SPEG: variants seen among roughly 807,000 people sequenced by gnomAD.
The protein encoded by SPEG is striated muscle enriched protein kinase, also known as striated muscle preferentially expressed protein kinase.
SPEG carries 114 observed loss-of-function variants against 300.4 expected under a neutral mutation model. That is an observed-to-expected ratio of 0.38 (90% CI 0.33 to 0.44). SPEG has a LOEUF of 0.44. Among genes scored for constraint, SPEG ranks in the 20% least tolerant of loss-of-function variants. The pLI, the probability that SPEG is intolerant of heterozygous loss-of-function variation, is 1.00. For missense variants in SPEG, 4,201 were observed against 4,586.2 expected (o/e 0.92, Z 2.43); for synonymous variants, 1,964 against 2,018.9 (o/e 0.97, Z 0.73).
At chr2:219,442,858 C>G (rs1439865898) in intron 1 of SPEG, among the ~76,000 whole-genome samples, 1 of 152,186 alleles carries the variant, frequency 6.6e-6, no homozygotes, top group Admixed American at 6.5e-5. Flanking sequence ...CAGCTTCCAC[C>G]TGCAGCCTGC....
intron 1 of SPEG, chr2:219,442,047 C>G: frequency 8.5e-7 from 1 of 1,179,338 alleles, no homozygotes; most frequent in Non-Finnish European, 1.1e-6. Flanking sequence ...CCCCCTCCCC[C>G]GCCATGAAGA....
chr2:219,457,438 C>G (rs1456416270), intron 6 of SPEG, among the ~76,000 whole-genome samples: 1 of 152,122 alleles, frequency 6.6e-6, no homozygotes, highest in African/African-American at 2.4e-5. Context: ...CAAAAATTAG[C>G]CAGGTGTGGT....
rs1689505465 is a variant in SPEG at position 219,448,688 on chromosome 2, G to C, written c.1530G>C (p.Leu510=). Residue 510 remains leucine (L), a synonymous_variant, in exon 4 of 41, where the codon CTG becomes CTC. Transcript: ENST00000312358. The part of the protein sequence containing the change: ...RIRRSTSREE[L]VRSHESLRAT... ...GCCGCTCCACGTCGCGGGAGGAGCT[G>C]GTGCGCTCGCACGAGTCCCTGCGCG... is the stretch of plus-strand genomic sequence containing the variant. 6.7e-7 allele frequency: 1 copy of C among 1,494,056 alleles called. No homozygotes were observed. Among genetic ancestry groups the C allele is most frequent in the Non-Finnish European group, 8.8e-7 (1 of 1,130,080 alleles). 92.5% of individuals were successfully genotyped at this position (1,494,056 alleles called of 1,614,324 possible). A position where few individuals can be genotyped will look rare whatever the true frequency, so the allele number is the denominator to read the frequency against.
chr2:219,462,250 C>T, intron 7 of SPEG, 48 bp from the exon 8 acceptor site: 2 of 1,491,278 alleles, frequency 1.3e-6, no homozygotes, highest in Non-Finnish European at 1.8e-6. Flanking sequence ...CCCCAGGACC[C>T]AAGGCTCTGC....
chr2:219,477,048 C>T lies in SPEG; in HGVS notation c.4560+66C>T. On this transcript the variant is annotated intron_variant, in intron 19 of 40. Transcript: ENST00000312358. The surrounding 1 kb of genome is among the most constrained non-coding windows in gnomAD (Gnocchi z 6.4). ...GGGCTCCCTGGGGGCGTGGGAGGGT[C>T]CTGGAAGGCCTTAGGAGGGCGGAGC... is the stretch of plus-strand genomic sequence containing the variant. 7.1e-7 allele frequency: 1 copy of T among 1,402,430 alleles called. No individual in the cohort carries two copies. Among genetic ancestry groups the T allele is most frequent in the Non-Finnish European group, 9.8e-7 (1 of 1,017,322 alleles). 86.9% of individuals were successfully genotyped at this position (1,402,430 alleles called of 1,614,324 possible). A position where few individuals can be genotyped will look rare whatever the true frequency, so the allele number is the denominator to read the frequency against.
Position 219,445,259 on chromosome 2 carries a change from C to A in SPEG, c.815+98C>A. ...GTCAGCCTCCACCCATCACCCTGCCCCATCCATCTCTCTGTGCATTTCTTC... is the reference window on the plus strand; with the variant it reads ...GTCAGCCTCCACCCATCACCCTGCCACATCCATCTCTCTGTGCATTTCTTC... On this transcript the variant is annotated intron_variant, in intron 3 of 40. Transcript: ENST00000312358. This position sits in a 1 kb window ranked among gnomAD's most constrained non-coding sequence, Gnocchi z 6.1. The A allele has an allele frequency of 8.9e-7, 1 of 1,128,484 alleles. No individual in the cohort carries two copies. Among genetic ancestry groups the A allele is most frequent in the African/African-American group, 1.5e-5 (1 of 65,128 alleles). 69.9% of individuals were successfully genotyped at this position (1,128,484 alleles called of 1,614,324 possible). A position where few individuals can be genotyped will look rare whatever the true frequency, so the allele number is the denominator to read the frequency against.
chr2:219,484,538 GAGC>G lies in SPEG; in HGVS notation c.7076_7078del (p.Glu2359_Arg2360delinsGly). The G allele has an allele frequency of 6.3e-7, 1 of 1,596,224 alleles. No individual in the cohort carries two copies. Among genetic ancestry groups the G allele is most frequent in the Non-Finnish European group, 8.5e-7 (1 of 1,174,534 alleles). On this transcript the variant is annotated inframe_deletion, in exon 30 of 41. Transcript: ENST00000312358. ...GCTGCTGAGCCGTTCGCGCTCGGAG[GAGC>G]GCGGCCCCTTCCGTGGGGCCGAGGA... is the stretch of plus-strand genomic sequence containing the variant.
chr2:219,483,560 C>G lies in SPEG; in HGVS notation c.6097C>G (p.His2033Asp). The G allele has an allele frequency of 1.4e-6, 2 of 1,446,768 alleles. No individual in the cohort carries two copies. The highest frequency in any genetic ancestry group is 9.0e-7 in the Non-Finnish European group (1 of 1,112,534). The allele number at this position is 1,446,768 out of a possible 1,614,324, so 89.6% of individuals were successfully genotyped here. The change falls in exon 30 of 41, where the codon CAC (histidine) becomes GAC (aspartate). Residue 2033 changes from histidine to aspartate, a missense_variant. Physicochemically the swap from His to Asp is moderately conservative, Grantham distance 81. Around this residue, in one of 4 missense-constraint regions of SPEG, gnomAD observed 1,578 missense variants for 1,506.0 expected, o/e 1.05. Coordinates refer to ENST00000312358, the MANE Select transcript of SPEG (RefSeq NM_005876.5). ...GCCGCGGGAGCTGGGCCGGGGCCTG[C>G]ACAAGGCGGCGTCTGTGGAGCTGCC... ...AGPRELGRGLHKAASVELPQR... is the reference protein window; with the variant it reads ...AGPRELGRGLDKAASVELPQR...
At position 219,449,070 on chromosome 2, in the gene SPEG, G is replaced by A. The variant is rs1689540191; in HGVS notation, c.1912G>A (p.Val638Met). Residue 638 changes from valine (V) to methionine (M), a missense_variant, in exon 4 of 41, where the codon GTG becomes ATG. Around this residue, in one of 4 missense-constraint regions of SPEG, gnomAD observed 1,258 missense variants for 1,293.9 expected, o/e 0.97. Coordinates refer to ENST00000312358, the MANE Select transcript of SPEG (RefSeq NM_005876.5). ...GAAGCGGGAGCCCCCGGCGCAGGCC[G>A]TGCGCTTCCTGCCCTGGGCCACGCC... ...GRKREPPAQA[V>M]RFLPWATPGL... 4 of 1,516,966 alleles carry A rather than the reference G, an allele frequency of 2.6e-6. No homozygotes were observed. Among genetic ancestry groups the A allele is most frequent in the Non-Finnish European group, 3.5e-6 (4 of 1,132,308 alleles). 94.0% of individuals were successfully genotyped at this position (1,516,966 alleles called of 1,614,324 possible).
chr2:219,483,647 G>C lies in SPEG; in HGVS notation c.6184G>C (p.Glu2062Gln). 1 of 1,528,202 alleles carries C rather than the reference G, an allele frequency of 6.5e-7. No homozygotes were observed. 94.7% of individuals were successfully genotyped at this position (1,528,202 alleles called of 1,614,324 possible). The change falls in exon 30 of 41, where the codon GAG (glutamate) becomes CAG (glutamine). Residue 2062 changes from glutamate (E) to glutamine (Q), a missense_variant. By Grantham distance (29) the Glu-to-Gln change is conservative. Coordinates refer to ENST00000312358, the MANE Select transcript of SPEG (RefSeq NM_005876.5). ...RLARGGLGEG[E>Q]YAQRLQALRQ... ...GGCCCGGGGAGGCCTGGGTGAGGGC[G>C]AGTATGCCCAGAGGCTGCAGGCCCT...
In SPEG at chr2:219,449,109, G is replaced by A. The variant is rs1689544779; in HGVS notation, c.1951G>A (p.Ala651Thr). ...LPWATPGLEG[A>T]AVPQTLEKNR... ...CTGGGCCACGCCGGGCCTGGAGGGC[G>A]CTGCTGTACCCCAGACCTTGGAGAA... Residue 651 changes from alanine (A) to threonine (T), a missense_variant, in exon 4 of 41, where the codon GCT becomes ACT. By Grantham distance (58) the Ala-to-Thr change is moderately conservative. This residue lies in a region of SPEG where 1,258 missense variants were observed against 1,293.9 expected (regional missense o/e 0.97). Transcript: ENST00000312358. 1 of 1,479,774 alleles carries A rather than the reference G, an allele frequency of 6.8e-7. No homozygotes were observed. Among genetic ancestry groups the A allele is most frequent in the East Asian group, 2.8e-5 (1 of 35,386 alleles). 91.7% of individuals were successfully genotyped at this position (1,479,774 alleles called of 1,614,324 possible).
rs1692651515 is a variant in SPEG, at chr2:219,479,692, C to T, written c.5086-91C>T. On this transcript the variant is annotated intron_variant, in intron 23 of 40. Transcript: ENST00000312358. This position sits in a 1 kb window ranked among gnomAD's most constrained non-coding sequence, Gnocchi z 5.5. Reference sequence around the variant, plus strand: ...TTCCACGAGCCATCTGAAGGCTACTCCACAGGCACAGCCGGACCGCTTGCC... The same window carrying T: ...TTCCACGAGCCATCTGAAGGCTACTTCACAGGCACAGCCGGACCGCTTGCC... 1.7e-6 allele frequency: 2 copies of T among 1,206,782 alleles called. No homozygotes were observed. Among genetic ancestry groups the T allele is most frequent in the African/African-American group, 1.5e-5 (1 of 67,198 alleles). The allele number at this position is 1,206,782 out of a possible 1,614,324, so 74.8% of individuals were successfully genotyped here. A position where few individuals can be genotyped will look rare whatever the true frequency, so the allele number is the denominator to read the frequency against.
chr2:219,470,782 C>T (rs946359142), intron 13 of SPEG, among the ~76,000 whole-genome samples: 5 of 151,128 alleles, frequency 3.3e-5, no homozygotes, highest in Middle Eastern at 6.8e-3. Context: ...ATTTATTAGC[C>T]GTGGGACCTT....
chr2:219,488,408 TA>T (rs139823554), intron 32 of SPEG, 89 bp from the exon 33 acceptor site: 56,242 of 1,502,654 alleles, frequency 0.037, 1,236 homozygotes, highest in Middle Eastern at 0.055. Context: ...TGAGCACGGT[TA>T]GGGGGGATGC....
rs1040574895 is a variant in SPEG, at chr2:219,445,984, G to A, written c.815+823G>A. Reference sequence around the variant, plus strand: ...CAGGAGGGAGTGCTATAGTGGAAGAGGGGAGTGGCTGAGAATAGAGGGACT... The same window carrying A: ...CAGGAGGGAGTGCTATAGTGGAAGAAGGGAGTGGCTGAGAATAGAGGGACT... On this transcript the variant is annotated intron_variant, in intron 3 of 40. Coordinates refer to ENST00000312358, the MANE Select transcript of SPEG (RefSeq NM_005876.5). This position sits in a 1 kb window ranked among gnomAD's most constrained non-coding sequence, Gnocchi z 6.1. Among the ~76,000 whole-genome samples, 1 of 152,044 alleles carries A rather than the reference G, an allele frequency of 6.6e-6. No individual in the cohort carries two copies. The highest frequency in any genetic ancestry group is 1.5e-5 in the Non-Finnish European group (1 of 67,984).
At position 219,480,009 on chromosome 2, in the gene SPEG, G is replaced by A. The variant is rs368865091; in HGVS notation, c.5211G>A (p.Val1737=). The change falls in exon 25 of 41, where the codon GTG becomes GTA. Residue 1737 remains valine (V), a synonymous_variant. Transcript: ENST00000312358. The surrounding 1 kb of genome is among the most constrained non-coding windows in gnomAD (Gnocchi z 5.3). ...VWDGAAGEQQ[V]RICDFGNAQE... is the part of the protein sequence containing the mutation. ...ATGGTGCTGCGGGCGAGCAGCAGGTGCGGATCTGTGACTTTGGGAATGCCC... is the reference window on the plus strand; with the variant it reads ...ATGGTGCTGCGGGCGAGCAGCAGGTACGGATCTGTGACTTTGGGAATGCCC... 2.0e-5 allele frequency: 32 copies of A among 1,614,172 alleles called. No individual in the cohort carries two copies. Among genetic ancestry groups the A allele is most frequent in the Middle Eastern group, 3.3e-4 (2 of 6,062 alleles).
At chr2:219,441,953 G>T in intron 1 of SPEG, 1 of 285,286 alleles carries the variant, frequency 3.5e-6, no homozygotes, top group Non-Finnish European at 6.2e-6. Flanking sequence ...GCCGGCTCCC[G>T]CCCGCTCCCC....
At position 219,448,462 on chromosome 2, in the gene SPEG, C is replaced by T; in HGVS notation, c.1304C>T (p.Ser435Phe). The change falls in exon 4 of 41, where the codon TCT (serine) becomes TTT (phenylalanine). Residue 435 changes from serine (S) to phenylalanine (F), a missense_variant. This residue lies in a region of SPEG where 1,258 missense variants were observed against 1,293.9 expected (regional missense o/e 0.97). Coordinates refer to ENST00000312358, the MANE Select transcript of SPEG (RefSeq NM_005876.5). The part of the protein sequence containing the change: ...RPWVPLRKAR[S>F]LEQPKSERGA... ...TGGGTGCCCCTGCGCAAGGCCCGCT[C>T]TCTGGAGCAGCCCAAGTCGGAGCGC... 2.0e-6 allele frequency: 3 copies of T among 1,501,638 alleles called. No homozygotes were observed. Among genetic ancestry groups the T allele is most frequent in the Non-Finnish European group, 2.6e-6 (3 of 1,134,714 alleles). The allele number at this position is 1,501,638 out of a possible 1,614,324, so 93.0% of individuals were successfully genotyped here.
intron 9 of SPEG, chr2:219,466,158 G>A: frequency 1.3e-6 from 2 of 1,532,854 alleles, no homozygotes; most frequent in Non-Finnish European, 1.7e-6. Flanking sequence ...ACTGCCTCCT[G>A]CCCACAGACC....
Sources: allele counts gnomAD v4.1 joint callset (sites outside exome capture counted in the v4.1 genomes callset), GRCh38; gene constraint gnomAD v4.1.1; regional missense constraint gnomAD v4.1.1; non-coding constraint Gnocchi (gnomAD v3.1); transcripts MANE v1.5; gene names NCBI Gene and HGNC (gene_info 2026-07-23, HGNC 2026-07-21).